CDK13: variants seen among roughly 807,000 people sequenced by gnomAD.
CDK13 encodes the protein cyclin dependent kinase 13, also known as cyclin-dependent kinase 13.
In CDK13, 40 loss-of-function variants were observed where a neutral mutation model predicts 137.6. That is an observed-to-expected ratio of 0.29 (90% confidence interval 0.23 to 0.38). The LOEUF (loss-of-function observed/expected upper bound fraction) is 0.38. CDK13 is among the 10% of genes least tolerant of loss of function. The pLI is 1.00. For missense variants in CDK13, 1,704 were observed against 1,951.8 expected, an observed-to-expected ratio of 0.87 and a Z score of 2.39; for synonymous variants, 869 against 760.1, an observed-to-expected ratio of 1.14 and a Z score of -2.36.
At chr7:40,075,031 AG>A (rs1353650712) in intron 9 of CDK13, among the ~76,000 whole-genome samples, 1 of 151,970 alleles carries the variant, frequency 6.6e-6, no homozygotes, top group Non-Finnish European at 1.5e-5. Context: ...TCTCTTTTGG[AG>A]TGTTATAGTA....
Position 39,987,886 on chromosome 7 carries a change from C to T in CDK13, c.1499C>T (p.Thr500Met), listed in dbSNP as rs922943045. ...ACTTCTACACCTACCAAGGGGAACA[C>T]GGAAACTAGTGCCAGTGCATCACAA... ...SNTSTPTKGN[T>M]ETSASASQTN... is the part of the protein sequence containing the mutation. Residue 500 changes from threonine to methionine, a missense_variant, in exon 2 of 14, where the codon ACG (threonine) becomes ATG (methionine). This residue lies in a region of CDK13 where 1,051 missense variants were observed against 931.0 expected (regional missense o/e 1.13). Coordinates refer to ENST00000181839, the MANE Select transcript of CDK13 (RefSeq NM_003718.5). 45 of 1,614,180 alleles carry T rather than the reference C, an allele frequency of 2.8e-5. No individual in the cohort carries two copies. Among genetic ancestry groups the T allele is most frequent in the Middle Eastern group, 1.6e-4 (1 of 6,062 alleles).
At chr7:40,057,895 A>G (rs1786055995) in intron 7 of CDK13, among the ~76,000 whole-genome samples, 1 of 152,212 alleles carries the variant, frequency 6.6e-6, no homozygotes, top group African/African-American at 2.4e-5. Context: ...AGAACATGAG[A>G]GAAAAGATTG....
At chr7:39,999,868 A>G (rs1004599766) in intron 4 of CDK13, among the ~76,000 whole-genome samples, 1 of 130,392 alleles carries the variant, frequency 7.7e-6, no homozygotes, top group Non-Finnish European at 1.6e-5. Context: ...CTTACACAAC[A>G]CTTTCATTTA....
intron 13 of CDK13, 136 bp from the exon 14 acceptor site, chr7:40,093,994 G>C (rs1311745121): frequency 2.1e-6 from 2 of 959,610 alleles, no homozygotes; most frequent in African/African-American, 3.4e-5. Context: ...TAAACTTTTT[G>C]CTTTTTTCAT....
At chr7:39,956,905 G>C (rs911233163) in intron 1 of CDK13, among the ~76,000 whole-genome samples, 9 of 151,350 alleles carry the variant, frequency 5.9e-5, no homozygotes, top group African/African-American at 2.2e-4. Context: ...ACTTCCTAAT[G>C]TTCCATCAGT....
chr7:40,020,215 A>C (rs2116394526), intron 5 of CDK13, among the ~76,000 whole-genome samples: 1 of 152,056 alleles, frequency 6.6e-6, no homozygotes, highest in South Asian at 2.1e-4. Context: ...CTACAGGTGC[A>C]TGCCACCATG....
At chr7:40,081,405 C>T (rs112077950) in intron 11 of CDK13, among the ~76,000 whole-genome samples, 14 of 152,188 alleles carry the variant, frequency 9.2e-5, no homozygotes, top group African/African-American at 3.1e-4. Context: ...AAGTGGAAAG[C>T]AACTATCATA....
chr7:40,043,304 T>C (rs1226385689), intron 5 of CDK13, among the ~76,000 whole-genome samples: 1 of 152,222 alleles, frequency 6.6e-6, no homozygotes, highest in Non-Finnish European at 1.5e-5. Flanking sequence ...GGGATTTGTT[T>C]TCTGGTGTGT....
chr7:39,969,915 G>T (rs1318033585), intron 1 of CDK13, among the ~76,000 whole-genome samples: 1 of 151,582 alleles, frequency 6.6e-6, no homozygotes, highest in Non-Finnish European at 1.5e-5. Flanking sequence ...TTTTGCAAAC[G>T]TTTTTTCCTC....
rs778107185 is a variant in CDK13 at position 39,951,801 on chromosome 7, A to T, written c.1160A>T (p.Tyr387Phe). 3 of 1,449,568 alleles carry T rather than the reference A, an allele frequency of 2.1e-6. No homozygotes were observed. The highest frequency in any genetic ancestry group is 2.7e-6 in the Non-Finnish European group (3 of 1,110,700). 89.8% of individuals were successfully genotyped at this position (1,449,568 alleles called of 1,614,324 possible). A position where few individuals can be genotyped will look rare whatever the true frequency, so the allele number is the denominator to read the frequency against. Residue 387 changes from tyrosine to phenylalanine, a missense_variant, in exon 1 of 14, where the codon TAC (tyrosine) becomes TTC (phenylalanine). Coordinates refer to ENST00000181839, the MANE Select transcript of CDK13 (RefSeq NM_003718.5). ...GGCGGCGACGTGTCCCCTAGTCCCT[A>T]CAGCAGCAGCAGCTGGCGCCGCTCT... ...ERGGDVSPSP[Y>F]SSSSWRRSRS...
At position 39,951,513 on chromosome 7, in the gene CDK13, C is replaced by T. The variant is rs1476149092; in HGVS notation, c.872C>T (p.Ser291Leu). 2.0e-6 allele frequency: 3 copies of T among 1,534,932 alleles called. No homozygotes were observed. The highest frequency in any genetic ancestry group is 1.2e-5 in the South Asian group (1 of 82,234). The change falls in exon 1 of 14, where the codon TCG (serine) becomes TTG (leucine). Residue 291 changes from serine (S) to leucine (L), a missense_variant. This residue lies in a region of CDK13 where 1,051 missense variants were observed against 931.0 expected (regional missense o/e 1.13). Coordinates refer to ENST00000181839, the MANE Select transcript of CDK13 (RefSeq NM_003718.5). ...SRTKSSKEPP[S>L]AYKEPPKAYR... is the part of the protein sequence containing the mutation. Reference sequence around the variant, plus strand: ...ACTAAGTCGTCCAAGGAGCCGCCTTCGGCCTACAAGGAACCGCCCAAGGCC... The same window carrying T: ...ACTAAGTCGTCCAAGGAGCCGCCTTTGGCCTACAAGGAACCGCCCAAGGCC...
chr7:40,065,953 C>T (rs573994634), intron 9 of CDK13, among the ~76,000 whole-genome samples: 2 of 151,958 alleles, frequency 1.3e-5, no homozygotes, highest in African/African-American at 2.4e-5. Flanking sequence ...TTTGGGAGGC[C>T]GAGGCAGGAT....
At chr7:40,030,229 A>G (rs548984720) in intron 5 of CDK13, among the ~76,000 whole-genome samples, 2 of 40,200 alleles carry the variant, frequency 5.0e-5, no homozygotes, top group Admixed American at 8.1e-4. Context: ...TTATATATAT[A>G]TATATGTGTG....
intron 5 of CDK13, among the ~76,000 whole-genome samples, chr7:40,011,249 C>T (rs1484919044): frequency 3.3e-5 from 5 of 152,162 alleles, no homozygotes; most frequent in Non-Finnish European, 7.4e-5. Context: ...ACAGGCTGGG[C>T]ACGTTTGCTC....
At chr7:40,079,293 C>T (rs1786613801) in intron 11 of CDK13, among the ~76,000 whole-genome samples, 1 of 152,168 alleles carries the variant, frequency 6.6e-6, no homozygotes. Context: ...GTGGCAGGCG[C>T]CTGTAATCCC....
At chr7:39,992,087 A>G (rs1009375122) in intron 2 of CDK13, among the ~76,000 whole-genome samples, 6 of 35,010 alleles carry the variant, frequency 1.7e-4, no homozygotes, top group East Asian at 5.6e-3. Flanking sequence ...ACACACACAC[A>G]CACACACACA....
intron 5 of CDK13, among the ~76,000 whole-genome samples, chr7:40,020,077 A>AT (rs1230232657): frequency 1.3e-5 from 2 of 151,638 alleles, no homozygotes; most frequent in African/African-American, 2.4e-5. Context: ...ACTTTATTTT[A>AT]TTTTTTTTGA....
At chr7:40,006,468 A>G (rs1784797942) in intron 5 of CDK13, among the ~76,000 whole-genome samples, 1 of 152,224 alleles carries the variant, frequency 6.6e-6, no homozygotes, top group African/African-American at 2.4e-5. Flanking sequence ...ATACTTTCTG[A>G]ATGAGTAAAA....
rs1046205659 is a variant in CDK13 at position 40,059,027 on chromosome 7, G to A, written c.2601-3799G>A. 8.5e-5 allele frequency among the ~76,000 whole-genome samples: 13 copies of A among 152,110 alleles called. No homozygotes were observed. In the East Asian group the frequency reaches 1.4e-3, roughly 16 times the overall value. ...TGTTGGAAAAATGAAACATTTTAGAGCTGGTTTAGGTATTTCATTTTATAT... is the reference window on the plus strand; with the variant it reads ...TGTTGGAAAAATGAAACATTTTAGAACTGGTTTAGGTATTTCATTTTATAT... On this transcript the variant is annotated intron_variant, in intron 7 of 13. Transcript: ENST00000181839.
Sources: allele counts gnomAD v4.1 joint callset (sites outside exome capture counted in the v4.1 genomes callset), GRCh38; gene constraint gnomAD v4.1.1; regional missense constraint gnomAD v4.1.1; transcripts MANE v1.5; gene names NCBI Gene and HGNC (gene_info 2026-07-23, HGNC 2026-07-21).